SRD5A1: variants seen among roughly 807,000 people sequenced by gnomAD.
The protein encoded by SRD5A1 is 3-oxo-5-alpha-steroid 4-dehydrogenase 1.
SRD5A1 carries 22 observed loss-of-function variants against 28.2 expected under a neutral mutation model. The ratio of observed to expected loss-of-function variants is 0.78; its 90% CI spans 0.56 to 1.12. The LOEUF (loss-of-function observed/expected upper bound fraction) is 1.12, where lower values mean the gene tolerates loss of function less well. Ranked by LOEUF, SRD5A1 falls within the 50% of genes most tolerant of loss-of-function variation. The probability of loss-of-function intolerance (pLI) is 0.00; values close to 1 mark genes in which losing one functional copy is unlikely to be tolerated. For synonymous variants in SRD5A1, 151 were observed against 135.0 expected, an observed-to-expected ratio of 1.12 and a Z score of -0.82; for missense variants, 300 against 346.7, an observed-to-expected ratio of 0.87 and a Z score of 1.07.
intron 4 of SRD5A1, 73 bp from the exon 5 acceptor site, chr5:6,668,129 T>C: frequency 3.1e-6 from 3 of 957,814 alleles, no homozygotes; most frequent in Non-Finnish European, 4.7e-6. Context: ...ATGAAAAATA[T>C]TGTCACTTTT....
rs374801236 is a variant in SRD5A1, at chr5:6,668,249, T to C, written c.761T>C (p.Ile254Thr). The change falls in exon 5 of 5, where the codon ATA (isoleucine) becomes ACA (threonine). Residue 254 changes from isoleucine (I) to threonine (T), a missense_variant. Transcript: ENST00000274192. ...FEEYPKFRKI[I>T]IPFLF ...GAGTATCCAAAGTTCAGAAAAATTA[T>C]AATTCCATTTTTGTTTTAAGTGCGT... The C allele has an allele frequency of 1.0e-4, 163 of 1,588,916 alleles. No individual in the cohort carries two copies. Among genetic ancestry groups the C allele is most frequent in the Non-Finnish European group, 1.2e-4 (143 of 1,168,324 alleles).
At chr5:6,651,431 GAAGATCA>G (rs1362178060) in intron 1 of SRD5A1, among the ~76,000 whole-genome samples, 1 of 152,216 alleles carries the variant, frequency 6.6e-6, no homozygotes, top group East Asian at 1.9e-4. Flanking sequence ...AACAAGGCAG[GAAGATCA>G]CTTGAGGTCG....
intron 2 of SRD5A1, among the ~76,000 whole-genome samples, chr5:6,655,712 A>G (rs1449030343): frequency 2.0e-5 from 3 of 152,144 alleles, no homozygotes; most frequent in Non-Finnish European, 2.9e-5. Flanking sequence ...CCTCATGCAG[A>G]TTTTGTGAGA....
chr5:6,637,907 C>T (rs539512480), intron 1 of SRD5A1, among the ~76,000 whole-genome samples: 130 of 152,340 alleles, frequency 8.5e-4, no homozygotes, highest in African/African-American at 2.8e-3. Context: ...TTGTATCTCT[C>T]GTGTAATCCT....
chr5:6,638,436 G>A (rs1038357148), intron 1 of SRD5A1, among the ~76,000 whole-genome samples: 6 of 152,258 alleles, frequency 3.9e-5, no homozygotes, highest in African/African-American at 1.4e-4. Context: ...GTTTGCACAA[G>A]CAAGACAAAG....
At chr5:6,638,263 C>T (rs1738257024) in intron 1 of SRD5A1, among the ~76,000 whole-genome samples, 1 of 152,158 alleles carries the variant, frequency 6.6e-6, no homozygotes, top group Admixed American at 6.5e-5. Flanking sequence ...CGCTTGAACC[C>T]AGAGGTGGAG....
chr5:6,637,182 G>A (rs1738210249), intron 1 of SRD5A1, among the ~76,000 whole-genome samples: 1 of 152,112 alleles, frequency 6.6e-6, no homozygotes, highest in South Asian at 2.1e-4. Flanking sequence ...CTGGAGGCAG[G>A]TGCCTTCCCC....
In SRD5A1 at chr5:6,673,226, CAT is replaced by C. The variant is rs1561009678; in HGVS notation, c.*4961_*4962del. The C allele has an allele frequency of 6.6e-6, 1 of 152,200 alleles. No homozygotes were observed. The highest frequency in any genetic ancestry group is 1.5e-5 in the Non-Finnish European group (1 of 68,032). 9.4% of individuals were successfully genotyped at this position (152,200 alleles called of 1,614,324 possible). On this transcript the variant is annotated 3_prime_UTR_variant, in exon 5 of 5. Coordinates refer to ENST00000274192, the MANE Select transcript of SRD5A1 (RefSeq NM_001047.4). ...AATGTTGGCGCAATCAGTCTAGAAA[CAT>C]ATTTCTCCCATAACAATAAGCCAGT...
At chr5:6,649,741 G>A (rs1651073) in intron 1 of SRD5A1, among the ~76,000 whole-genome samples, 21,761 of 152,130 alleles carry the variant, frequency 0.14, 1,740 homozygotes, top group East Asian at 0.24. Context: ...ACCCTGCTTC[G>A]GCTCGCCCTC....
rs138822522 is a variant in SRD5A1 at position 6,639,526 on chromosome 5, A to G, written c.293+5657A>G. Among the ~76,000 whole-genome samples, 379 of 152,344 alleles carry G rather than the reference A, an allele frequency of 2.5e-3. 1 individual carries two copies. The highest frequency in any genetic ancestry group is 0.01 in the Middle Eastern group (3 of 292). ...CCACCCCACAGCCCTCGCGGACAGTAAGAATGGACATGGAGGCAGCCCCGA... is the reference window on the plus strand; with the variant it reads ...CCACCCCACAGCCCTCGCGGACAGTGAGAATGGACATGGAGGCAGCCCCGA... On this transcript the variant is annotated intron_variant, in intron 1 of 4. Transcript: ENST00000274192.
In SRD5A1 at chr5:6,674,108, A is replaced by T. The variant is rs1465694270; in HGVS notation, c.*5840A>T. 1 of 151,740 alleles carries T rather than the reference A, an allele frequency of 6.6e-6. No individual in the cohort carries two copies. The highest frequency in any genetic ancestry group is 1.5e-5 in the Non-Finnish European group (1 of 67,920). 9.4% of individuals were successfully genotyped at this position (151,740 alleles called of 1,614,324 possible). On this transcript the variant is annotated 3_prime_UTR_variant, in exon 5 of 5. Transcript: ENST00000274192. Reference sequence around the variant, plus strand: ...TGTAAACTCTGGATTTTTATTAATAATATTATTTAATTAAAATGATTTATT... The same window carrying T: ...TGTAAACTCTGGATTTTTATTAATATTATTATTTAATTAAAATGATTTATT...
intron 1 of SRD5A1, among the ~76,000 whole-genome samples, chr5:6,641,471 C>T (rs1178750036): frequency 6.6e-6 from 1 of 152,142 alleles, no homozygotes; most frequent in African/African-American, 2.4e-5. Flanking sequence ...TCAGAGCTCT[C>T]TAGAGGGAGG....
At chr5:6,661,897 T>C (rs1034444445) in intron 3 of SRD5A1, among the ~76,000 whole-genome samples, 1 of 151,206 alleles carries the variant, frequency 6.6e-6, no homozygotes, top group African/African-American at 2.5e-5. Flanking sequence ...TCTGCAGACA[T>C]AGTGTCCAGT....
chr5:6,641,041 G>A (rs1198106323), intron 1 of SRD5A1, among the ~76,000 whole-genome samples: 2 of 152,192 alleles, frequency 1.3e-5, no homozygotes, highest in Non-Finnish European at 2.9e-5. Context: ...GGCTGTGAGT[G>A]CCCATGCCTG....
intron 2 of SRD5A1, among the ~76,000 whole-genome samples, chr5:6,653,753 CA>C (rs1201467961): frequency 2.0e-5 from 3 of 152,164 alleles, no homozygotes; most frequent in African/African-American, 4.8e-5. Context: ...TGAACAACAA[CA>C]GAAGAACCCT....
chr5:6,649,149 G>C (rs1211956395), intron 1 of SRD5A1, among the ~76,000 whole-genome samples: 1 of 152,152 alleles, frequency 6.6e-6, no homozygotes, highest in African/African-American at 2.4e-5. Context: ...TCCAGTATGA[G>C]GTGTCTGTCG....
intron 1 of SRD5A1, among the ~76,000 whole-genome samples, chr5:6,635,068 CTT>C (rs1738139591): frequency 2.0e-5 from 3 of 152,258 alleles, no homozygotes; most frequent in Admixed American, 2.0e-4. Flanking sequence ...ATAAGCCTCT[CTT>C]CTTTCTCCTG....
Position 6,670,806 on chromosome 5 carries a change from T to G in SRD5A1, c.*2538T>G, listed in dbSNP as rs1355468552. 6.6e-6 allele frequency: 1 copy of G among 152,236 alleles called. No individual in the cohort carries two copies. Among genetic ancestry groups the G allele is most frequent in the African/African-American group, 2.4e-5 (1 of 41,476 alleles). 9.4% of individuals were successfully genotyped at this position (152,236 alleles called of 1,614,324 possible). A position where few individuals can be genotyped will look rare whatever the true frequency, so the allele number is the denominator to read the frequency against. On this transcript the variant is annotated 3_prime_UTR_variant, in exon 5 of 5. Coordinates refer to ENST00000274192, the MANE Select transcript of SRD5A1 (RefSeq NM_001047.4). Reference sequence around the variant, plus strand: ...TGTAACCAAAGCTTAACCACCTTTCTTAAGATATTGATCAACCAGATCATT... The same window carrying G: ...TGTAACCAAAGCTTAACCACCTTTCGTAAGATATTGATCAACCAGATCATT...
At chr5:6,652,217 G>A (rs56385718) in intron 2 of SRD5A1, among the ~76,000 whole-genome samples, 2 of 152,162 alleles carry the variant, frequency 1.3e-5, no homozygotes, top group African/African-American at 4.8e-5. Flanking sequence ...ACCTTCCCCC[G>A]CACGGGCAGG....
Sources: allele counts gnomAD v4.1 joint callset (sites outside exome capture counted in the v4.1 genomes callset), GRCh38; gene constraint gnomAD v4.1.1; transcripts MANE v1.5; gene names NCBI Gene and HGNC (gene_info 2026-07-23, HGNC 2026-07-21).